Variants in GRIK1 observed in about 807,000 individuals in gnomAD.
GRIK1 encodes the protein glutamate ionotropic receptor kainate type subunit 1.
In GRIK1, 69 loss-of-function variants were observed where a neutral mutation model predicts 105.7. The ratio of observed to expected loss-of-function variants is 0.65; its 90% CI spans 0.54 to 0.80. The LOEUF (loss-of-function observed/expected upper bound fraction) is 0.80. Ranked by LOEUF, GRIK1 falls within the 30% of genes least tolerant of loss-of-function variation. The pLI is 0.00. For synonymous variants in GRIK1, 438 were observed against 431.3 expected, an observed-to-expected ratio of 1.02 and a Z score of -0.19; for missense variants, 1,109 against 1,167.3, an observed-to-expected ratio of 0.95 and a Z score of 0.73.
At chr21:29,845,437 TTA>T (rs2068087263) in intron 1 of GRIK1, among the ~76,000 whole-genome samples, 1 of 152,192 alleles carries the variant, frequency 6.6e-6, no homozygotes, top group South Asian at 2.1e-4. Flanking sequence ...TCTGTGGTTT[TTA>T]TTTCTGTTAA....
chr21:29,729,398 T>G (rs985314341), intron 1 of GRIK1, among the ~76,000 whole-genome samples: 3 of 152,192 alleles, frequency 2.0e-5, no homozygotes, highest in Admixed American at 1.3e-4. Flanking sequence ...CAAAATCCAC[T>G]GCTCAGGGCC....
chr21:29,554,269 C>G (rs115614566), intron 16 of GRIK1, among the ~76,000 whole-genome samples: 6 of 152,226 alleles, frequency 3.9e-5, no homozygotes, highest in African/African-American at 1.4e-4. Flanking sequence ...AAATTCAAAG[C>G]AGAGCCTGAT....
intron 12 of GRIK1, among the ~76,000 whole-genome samples, chr21:29,585,482 A>G (rs1030811365): frequency 6.6e-6 from 1 of 152,202 alleles, no homozygotes; most frequent in East Asian, 1.9e-4. Flanking sequence ...CAAGTCATGT[A>G]ATAAACAATG....
In GRIK1 at chr21:29,651,174, C is replaced by G; in HGVS notation, c.898G>C (p.Glu300Gln). The change falls in exon 6 of 18, where the codon GAG becomes CAG. Residue 300 changes from glutamate to glutamine, a missense_variant. By Grantham distance (29) the Glu-to-Gln change is conservative (BLOSUM62 2). Around this residue, in one of 5 missense-constraint regions of GRIK1, gnomAD observed 612 missense variants for 586.0 expected, o/e 1.04. Coordinates refer to ENST00000327783, the MANE Select transcript of GRIK1 (RefSeq NM_001330994.2). ...VSSIIEKWSM[E>Q]RLQAPPRPET... ...GGCCTGGGTGGGGCCTGCAGTCTCT[C>G]CATGGACCACTTCTCAATGATGGAT... 1 of 1,613,990 alleles carries G rather than the reference C, an allele frequency of 6.2e-7. No individual in the cohort carries two copies. Among genetic ancestry groups the G allele is most frequent in the Non-Finnish European group, 8.5e-7 (1 of 1,179,864 alleles).
At chr21:29,849,841 G>T (rs1313870251) in intron 1 of GRIK1, among the ~76,000 whole-genome samples, 1 of 152,170 alleles carries the variant, frequency 6.6e-6, no homozygotes, top group African/African-American at 2.4e-5. Flanking sequence ...CTAGCATAAA[G>T]ATGCAGAGTG....
intron 1 of GRIK1, among the ~76,000 whole-genome samples, chr21:29,779,199 G>A (rs565902876): frequency 1.3e-5 from 2 of 152,266 alleles, no homozygotes; most frequent in African/African-American, 2.4e-5. Context: ...TCCCCAAAGC[G>A]ACAACCATTT....
Position 29,786,444 on chromosome 21 carries a change from CCTAT to C in GRIK1, c.119-92385_119-92382del, listed in dbSNP as rs373393879. On this transcript the variant is annotated intron_variant, in intron 1 of 17. Transcript: ENST00000327783. The stretch of plus-strand genomic sequence containing the variant: ...AGTTTCTGGGGGATTAGGATATGGA[CCTAT>C]CTTTTTGAGGGCCACCTTCGACCCT... Among the ~76,000 whole-genome samples the C allele has an allele frequency of 2.1e-3, 318 of 152,144 alleles. 1 individual carries two copies. The highest frequency in any genetic ancestry group is 7.3e-3 in the African/African-American group (303 of 41,504).
At chr21:29,555,012 C>A (rs750088298) in intron 16 of GRIK1, 40 bp downstream of exon 16, 18 of 1,535,050 alleles carry the variant, frequency 1.2e-5, no homozygotes, top group African/African-American at 2.8e-5. Context: ...ACAGATAATG[C>A]AAACTATAAA....
In GRIK1 at chr21:29,538,602, C is replaced by T. The variant is rs146265510; in HGVS notation, c.2608-718G>A. 1.1e-3 allele frequency among the ~76,000 whole-genome samples: 161 copies of T among 152,102 alleles called. 1 individual carries two copies. Among genetic ancestry groups the T allele is most frequent in the African/African-American group, 3.4e-3 (143 of 41,516 alleles). On this transcript the variant is annotated intron_variant, in intron 16 of 17. Coordinates refer to ENST00000327783, the MANE Select transcript of GRIK1 (RefSeq NM_001330994.2). ...AATAAAAAAAAAATCCTCTAAAAAC[C>T]ATAGCCTTTGGTAAAGGTTATAGAA...
At chr21:29,702,663 A>C (rs752111511) in intron 1 of GRIK1, among the ~76,000 whole-genome samples, 1 of 152,208 alleles carries the variant, frequency 6.6e-6, no homozygotes, top group Non-Finnish European at 1.5e-5. Flanking sequence ...GTGAGCCGAG[A>C]TCGCACCACT....
chr21:29,789,562 C>A (rs542468887), intron 1 of GRIK1, among the ~76,000 whole-genome samples: 67 of 152,340 alleles, frequency 4.4e-4, no homozygotes, highest in African/African-American at 1.4e-3. Flanking sequence ...AAGAAAAGCT[C>A]TTTTCTGCCT....
At chr21:29,855,652 G>T (rs1476499003) in intron 1 of GRIK1, among the ~76,000 whole-genome samples, 1 of 152,216 alleles carries the variant, frequency 6.6e-6, no homozygotes, top group East Asian at 1.9e-4. Flanking sequence ...TCTAGTTTGT[G>T]TTCTTAGAAG....
chr21:29,581,663 A>T, intron 12 of GRIK1, 120 bp from the exon 13 acceptor site: 1 of 631,436 alleles, frequency 1.6e-6, no homozygotes, highest in Non-Finnish European at 2.9e-6. Flanking sequence ...CTTCAAACCA[A>T]AAGAGTAAAG....
chr21:29,547,774 T>C (rs2090071361), intron 16 of GRIK1, among the ~76,000 whole-genome samples: 1 of 152,228 alleles, frequency 6.6e-6, no homozygotes, highest in Non-Finnish European at 1.5e-5. Flanking sequence ...CTTTGCACGA[T>C]TACAAAAATA....
At chr21:29,636,329 T>G (rs1055315633) in intron 7 of GRIK1, among the ~76,000 whole-genome samples, 1 of 152,176 alleles carries the variant, frequency 6.6e-6, no homozygotes. Flanking sequence ...TTACCTTAAG[T>G]CAACAAAAAA....
chr21:29,580,007 G>GTA (rs1314834424), intron 13 of GRIK1, among the ~76,000 whole-genome samples: 2 of 142,544 alleles, frequency 1.4e-5, no homozygotes, highest in Middle Eastern at 3.6e-3. Context: ...GTATATATAT[G>GTA]TATATATATG....
chr21:29,816,528 G>A (rs2145910140), intron 1 of GRIK1, among the ~76,000 whole-genome samples: 1 of 152,154 alleles, frequency 6.6e-6, no homozygotes. Flanking sequence ...ACCAAGATAT[G>A]GAATCAACCC....
At chr21:29,757,034 T>G (rs2065364012) in intron 1 of GRIK1, among the ~76,000 whole-genome samples, 1 of 152,004 alleles carries the variant, frequency 6.6e-6, no homozygotes, top group Non-Finnish European at 1.5e-5. Context: ...GGAGACTTGC[T>G]TGAACCTGGG....
chr21:29,608,725 G>A (rs553926504), intron 7 of GRIK1, among the ~76,000 whole-genome samples: 1 of 152,224 alleles, frequency 6.6e-6, no homozygotes, highest in South Asian at 2.1e-4. Flanking sequence ...TCTGGAAATA[G>A]CCTTTGTCAG....
Sources: gnomAD v4.1 joint callset for allele counts (sites outside exome capture counted in the v4.1 genomes callset) on GRCh38, gnomAD v4.1.1 for gene constraint, gnomAD v4.1.1 regional missense constraint, MANE v1.5 for transcripts, NCBI Gene and HGNC (gene_info 2026-07-23, HGNC 2026-07-21) for gene names.